Variants in L3MBTL3 observed in about 807,000 individuals in gnomAD.
The protein encoded by L3MBTL3 is lethal(3)malignant brain tumor-like protein 3.
In L3MBTL3, 27 loss-of-function variants were observed where a neutral mutation model predicts 102.3. That is an observed-to-expected ratio of 0.26 (90% CI 0.19 to 0.36). The LOEUF is 0.36. Among genes scored for constraint, L3MBTL3 ranks in the 10% least tolerant of loss-of-function variants. The pLI is 1.00. For synonymous variants in L3MBTL3, 340 were observed against 320.9 expected (o/e 1.06, Z -0.64); for missense variants, 798 against 955.3 (o/e 0.84, Z 2.17).
intron 18 of L3MBTL3, among the ~76,000 whole-genome samples, chr6:130,098,621 A>G (rs780202157): frequency 2.6e-5 from 4 of 152,212 alleles, no homozygotes; most frequent in Non-Finnish European, 5.9e-5. Flanking sequence ...CACTGCTTCA[A>G]GGACTTAATG....
chr6:130,070,782 C>T, intron 12 of L3MBTL3, 194 bp from the exon 13 acceptor site: 1 of 245,420 alleles, frequency 4.1e-6, no homozygotes, highest in Non-Finnish European at 7.1e-6. Flanking sequence ...AACAGTAGGA[C>T]CTTTTTTTTT....
In L3MBTL3 at chr6:130,057,515, G is replaced by A; in HGVS notation, c.759+18G>A. ...TCAAGGAGGTACGGGCCCTTCTAGA[G>A]ACGTGATCTGTAAGGGCGCAGGAGC... On this transcript the variant is annotated intron_variant, in intron 9 of 22. Transcript: ENST00000361794. 1 of 1,581,986 alleles carries A rather than the reference G, an allele frequency of 6.3e-7. No individual in the cohort carries two copies. The highest frequency in any genetic ancestry group is 8.6e-7 in the Non-Finnish European group (1 of 1,161,248).
At chr6:130,040,570 A>T (rs1448386219) in intron 2 of L3MBTL3, among the ~76,000 whole-genome samples, 2 of 152,188 alleles carry the variant, frequency 1.3e-5, no homozygotes, top group East Asian at 3.9e-4. Flanking sequence ...TGGCAAGCCC[A>T]TGGTGATGCT....
chr6:130,078,427 TCCAAA>T, intron 13 of L3MBTL3, 126 bp from the exon 14 acceptor site: 2 of 573,468 alleles, frequency 3.5e-6, no homozygotes, highest in Non-Finnish European at 6.1e-6. Flanking sequence ...AGCATTTTTT[TCCAAA>T]TTAGATTGAT....
intron 18 of L3MBTL3, among the ~76,000 whole-genome samples, chr6:130,104,098 AATG>A (rs900165950): frequency 6.6e-6 from 1 of 152,188 alleles, no homozygotes; most frequent in African/African-American, 2.4e-5. Flanking sequence ...CTTTGTCCTG[AATG>A]ATGTCTTAAG....
At chr6:130,097,496 TAAG>T (rs2115281451) in intron 18 of L3MBTL3, among the ~76,000 whole-genome samples, 2 of 152,342 alleles carry the variant, frequency 1.3e-5, no homozygotes, top group Non-Finnish European at 2.9e-5. Context: ...GAATTTGATC[TAAG>T]AAGTGTTAAA....
chr6:130,130,407 T>C (rs1786926518), intron 20 of L3MBTL3, among the ~76,000 whole-genome samples: 1 of 152,210 alleles, frequency 6.6e-6, no homozygotes, highest in Admixed American at 6.6e-5. Context: ...ATACAAATTA[T>C]AAAGTCAGCC....
chr6:130,084,468 G>C (rs548441205), intron 15 of L3MBTL3, among the ~76,000 whole-genome samples: 1 of 152,078 alleles, frequency 6.6e-6, no homozygotes, highest in Admixed American at 6.5e-5. Context: ...TAATTATGAG[G>C]TATAGGTCCA....
chr6:130,025,963 T>TA (rs1224354285), intron 2 of L3MBTL3, among the ~76,000 whole-genome samples: 1 of 152,074 alleles, frequency 6.6e-6, no homozygotes, highest in Non-Finnish European at 1.5e-5. Flanking sequence ...CCCATACACA[T>TA]ACGATGGCAA....
At position 130,055,387 on chromosome 6, in the gene L3MBTL3, A is replaced by T. The variant is rs189789997; in HGVS notation, c.667+132A>T. ...CTTTGATTCAGTTTGGTCAATAAAG[A>T]TTTGAGATTTTGAGGATAAGGAAAA... is the stretch of plus-strand genomic sequence containing the variant. On this transcript the variant is annotated intron_variant, in intron 8 of 22. Transcript: ENST00000361794. 1.1e-3 allele frequency: 721 copies of T among 670,220 alleles called. 2 individuals carry two copies. Among genetic ancestry groups the T allele is most frequent in the Non-Finnish European group, 1.5e-3 (608 of 396,566 alleles). The allele number at this position is 670,220 out of a possible 1,614,324, so 41.5% of individuals were successfully genotyped here.
chr6:130,115,705 A>C (rs1398236273), intron 19 of L3MBTL3, among the ~76,000 whole-genome samples: 1 of 152,242 alleles, frequency 6.6e-6, no homozygotes, highest in Non-Finnish European at 1.5e-5. Context: ...ACATTTTTCC[A>C]TTCAAGTGGA....
intron 3 of L3MBTL3, among the ~76,000 whole-genome samples, chr6:130,044,317 C>T (rs1780602002): frequency 6.6e-6 from 1 of 152,068 alleles, no homozygotes; most frequent in African/African-American, 2.4e-5. Context: ...TTGTGACTTA[C>T]TATGTACAGT....
chr6:130,048,967 C>CACACAGACACAT (rs71678245), intron 3 of L3MBTL3, among the ~76,000 whole-genome samples: 4 of 150,454 alleles, frequency 2.7e-5, no homozygotes, highest in Non-Finnish European at 5.9e-5. Flanking sequence ...CACACACACA[C>CACACAGACACAT]ACATACACAC....
At chr6:130,021,455 T>G (rs1779010232) in intron 1 of L3MBTL3, among the ~76,000 whole-genome samples, 1 of 152,252 alleles carries the variant, frequency 6.6e-6, no homozygotes, top group Non-Finnish European at 1.5e-5. Flanking sequence ...GGAAAGACAC[T>G]TTGCTTTTAT....
At chr6:130,019,417 G>A (rs1778787275) in intron 1 of L3MBTL3, 2 of 151,448 alleles carry the variant, frequency 1.3e-5, no homozygotes, top group South Asian at 4.1e-4. Flanking sequence ...TGTGCCGGGC[G>A]CGCACCGGAG....
chr6:130,093,609 G>A (rs1784188621), intron 17 of L3MBTL3, among the ~76,000 whole-genome samples: 1 of 152,156 alleles, frequency 6.6e-6, no homozygotes, highest in Non-Finnish European at 1.5e-5. Context: ...CTATGCAGTA[G>A]TCACAAAGAA....
At chr6:130,120,184 G>C (rs1305469043) in intron 19 of L3MBTL3, among the ~76,000 whole-genome samples, 3 of 152,120 alleles carry the variant, frequency 2.0e-5, no homozygotes, top group Non-Finnish European at 4.4e-5. Context: ...AATACATTAG[G>C]TTGAAAAATT....
At chr6:130,139,247 G>C (rs1788056198) in intron 22 of L3MBTL3, among the ~76,000 whole-genome samples, 1 of 151,772 alleles carries the variant, frequency 6.6e-6, no homozygotes, top group Admixed American at 6.6e-5. Context: ...TCATGTACCT[G>C]TTATCTCTTC....
intron 13 of L3MBTL3, among the ~76,000 whole-genome samples, chr6:130,078,056 A>G (rs1194874266): frequency 2.0e-5 from 3 of 152,162 alleles, no homozygotes; most frequent in Admixed American, 6.6e-5. Flanking sequence ...AGAAAGAGGT[A>G]AAGAAAAGAG....
Sources: allele counts gnomAD v4.1 joint callset (sites outside exome capture counted in the v4.1 genomes callset), GRCh38; gene constraint gnomAD v4.1.1; transcripts MANE v1.5; gene names NCBI Gene and HGNC (gene_info 2026-07-23, HGNC 2026-07-21).